The following POM121C variants were observed in gnomAD, a reference collection of about 807,000 sequenced individuals.
POM121C encodes the protein nuclear envelope pore membrane protein POM 121C.
POM121C carries 20 observed loss-of-function variants against 66.4 expected under a neutral mutation model. That is an observed-to-expected ratio of 0.30 (90% CI 0.21 to 0.44). The LOEUF (loss-of-function observed/expected upper bound fraction) is 0.44. Among genes scored for constraint, POM121C ranks in the 20% least tolerant of loss-of-function variants. The probability of loss-of-function intolerance (pLI) is 1.00; values close to 1 mark genes in which losing one functional copy is unlikely to be tolerated. For missense variants in POM121C, 580 were observed against 1,225.7 expected, an observed-to-expected ratio of 0.47 and a Z score of 7.87; for synonymous variants, 286 against 528.0, an observed-to-expected ratio of 0.54 and a Z score of 6.28.
intron 3 of POM121C, among the ~76,000 whole-genome samples, chr7:75,452,895 T>C (rs1791072530): frequency 6.6e-6 from 1 of 152,176 alleles, no homozygotes. Context: ...AAACAGTCAG[T>C]TGCATCTCTC....
chr7:75,453,480 G>A (rs1449676106), intron 3 of POM121C, among the ~76,000 whole-genome samples: 2 of 151,416 alleles, frequency 1.3e-5, no homozygotes, highest in Non-Finnish European at 2.9e-5. Flanking sequence ...TGCTTGGGAG[G>A]CTGAGGCAGG....
rs1348459775 is a variant in POM121C, at chr7:75,416,891, G to C, written c.*1905C>G. ...CTCAACAGGAATGAAGTCTCTATTT[G>C]TAATGGAAAGTCCCAGCCTCCCGCT... On this transcript the variant is annotated 3_prime_UTR_variant, in exon 15 of 15. Coordinates refer to ENST00000615331, the MANE Select transcript of POM121C (RefSeq NM_001099415.3). 7.0e-7 allele frequency: 1 copy of C among 1,435,634 alleles called. No individual in the cohort carries two copies. Among genetic ancestry groups the C allele is most frequent in the Non-Finnish European group, 9.1e-7 (1 of 1,099,712 alleles). The allele number at this position is 1,435,634 out of a possible 1,614,324, so 88.9% of individuals were successfully genotyped here. A position where few individuals can be genotyped will look rare whatever the true frequency, so the allele number is the denominator to read the frequency against.
At chr7:75,423,701 T>A (rs1467431571) in intron 12 of POM121C, among the ~76,000 whole-genome samples, 1 of 152,180 alleles carries the variant, frequency 6.6e-6, no homozygotes, top group Non-Finnish European at 1.5e-5. Context: ...GAAGCAGTGT[T>A]GTTCTGGACC....
At chr7:75,468,949 C>A (rs782084656) in intron 3 of POM121C, among the ~76,000 whole-genome samples, 1 of 152,178 alleles carries the variant, frequency 6.6e-6, no homozygotes, top group Admixed American at 6.5e-5. Context: ...ACTCTCCCAC[C>A]AAACTGGTTT....
intron 9 of POM121C, chr7:75,425,414 C>G: frequency 8.8e-7 from 1 of 1,142,082 alleles, no homozygotes; most frequent in Middle Eastern, 3.0e-4. Flanking sequence ...ACAGGTGACT[C>G]AAACTGAGCT....
chr7:75,430,694 T>TTTG (rs1298984205), intron 7 of POM121C, among the ~76,000 whole-genome samples: 7 of 152,162 alleles, frequency 4.6e-5, no homozygotes, highest in African/African-American at 1.7e-4. Flanking sequence ...GCAGGACACT[T>TTTG]TTGTTGTAAC....
chr7:75,453,999 G>A (rs1295446485), intron 3 of POM121C, among the ~76,000 whole-genome samples: 1 of 152,240 alleles, frequency 6.6e-6, no homozygotes, highest in African/African-American at 2.4e-5. Context: ...TGACAACACA[G>A]CAGAAAGGCA....
intron 14 of POM121C, 73 bp from the exon 15 acceptor site, chr7:75,418,966 G>A: frequency 2.0e-6 from 3 of 1,503,312 alleles, no homozygotes; most frequent in Non-Finnish European, 2.7e-6. Context: ...CCAAATCTCT[G>A]GAAGGCCAGG....
intron 3 of POM121C, among the ~76,000 whole-genome samples, chr7:75,471,059 C>T (rs1157810216): frequency 1.3e-5 from 2 of 152,082 alleles, no homozygotes; most frequent in Admixed American, 6.6e-5. Flanking sequence ...CAGCTTCTTC[C>T]CCTCACTCTC....
chr7:75,463,876 G>A (rs1472980026), intron 3 of POM121C, among the ~76,000 whole-genome samples: 1 of 151,744 alleles, frequency 6.6e-6, no homozygotes, highest in African/African-American at 2.4e-5. Context: ...ATTTTTAGTA[G>A]AGATGGGATT....
At chr7:75,468,042 G>A (rs587624410) in intron 3 of POM121C, among the ~76,000 whole-genome samples, 1 of 140,864 alleles carries the variant, frequency 7.1e-6, no homozygotes, top group African/African-American at 2.5e-5. Flanking sequence ...TGAGGCCGGA[G>A]AATTGCTTGA....
At chr7:75,466,876 T>C (rs1456561671) in intron 3 of POM121C, among the ~76,000 whole-genome samples, 1 of 152,096 alleles carries the variant, frequency 6.6e-6, no homozygotes, top group African/African-American at 2.4e-5. Flanking sequence ...GGCACCCAGC[T>C]CTCACCCTCA....
chr7:75,464,000 T>C (rs1351601436), intron 3 of POM121C, among the ~76,000 whole-genome samples: 1 of 146,904 alleles, frequency 6.8e-6, no homozygotes, highest in African/African-American at 2.5e-5. Context: ...GACTCTTTTT[T>C]TCTTTTTAAT....
intron 3 of POM121C, among the ~76,000 whole-genome samples, chr7:75,460,646 TAAC>T (rs1477409748): frequency 1.3e-5 from 2 of 152,118 alleles, no homozygotes; most frequent in Admixed American, 6.5e-5. Context: ...CAGGAACTCC[TAAC>T]AACCAGAGAC....
At chr7:75,468,544 C>G (rs1388201097) in intron 3 of POM121C, among the ~76,000 whole-genome samples, 1 of 152,080 alleles carries the variant, frequency 6.6e-6, no homozygotes, top group African/African-American at 2.4e-5. Context: ...GGCTCACACT[C>G]CCAACCTCAG....
At chr7:75,470,476 A>G (rs1481845933) in intron 3 of POM121C, among the ~76,000 whole-genome samples, 122 of 151,348 alleles carry the variant, frequency 8.1e-4, no homozygotes, top group African/African-American at 2.9e-3. Flanking sequence ...TTCTTTTTTT[A>G]CAGAATCAGG....
intron 1 of POM121C, among the ~76,000 whole-genome samples, chr7:75,476,590 A>T (rs1368695909): frequency 6.6e-6 from 1 of 152,208 alleles, no homozygotes; most frequent in African/African-American, 2.4e-5. Context: ...GCTTATCCAC[A>T]GGCAGGCCAA....
At chr7:75,430,018 A>G (rs1264196978) in intron 7 of POM121C, among the ~76,000 whole-genome samples, 1 of 152,204 alleles carries the variant, frequency 6.6e-6, no homozygotes, top group East Asian at 1.9e-4. Context: ...AAAGTTAAAT[A>G]AAGAAATGAA....
At chr7:75,461,980 C>T (rs1221534710) in intron 3 of POM121C, among the ~76,000 whole-genome samples, 1 of 148,482 alleles carries the variant, frequency 6.7e-6, no homozygotes, top group Admixed American at 6.7e-5. Context: ...CCCATCCCCC[C>T]ACAGAAACAT....
Sources: gnomAD v4.1 joint callset for allele counts (sites outside exome capture counted in the v4.1 genomes callset) on GRCh38, gnomAD v4.1.1 for gene constraint, MANE v1.5 for transcripts, NCBI Gene and HGNC (gene_info 2026-07-23, HGNC 2026-07-21) for gene names.